VSX2: variants seen among roughly 807,000 people sequenced by gnomAD.
The protein encoded by VSX2 is ceh-10 homeo domain containing homolog.
Under a neutral mutation model 32.1 loss-of-function variants are expected in VSX2, and 28 were observed. The observed-to-expected ratio is 0.87, with a 90% confidence interval of 0.65 to 1.20. The LOEUF is 1.20. Among genes scored for constraint, VSX2 ranks in the 50% most tolerant of loss-of-function variants. The pLI is 0.00. For synonymous variants in VSX2, 243 were observed against 214.1 expected, an observed-to-expected ratio of 1.14 and a Z score of -1.18; for missense variants, 506 against 488.7, an observed-to-expected ratio of 1.04 and a Z score of -0.33.
intron 3 of VSX2, among the ~76,000 whole-genome samples, chr14:74,258,149 G>A (rs558526800): frequency 9.2e-5 from 14 of 152,280 alleles, no homozygotes; most frequent in African/African-American, 3.4e-4. Context: ...GGGGAAGCGG[G>A]GGCGCTCGCG....
At position 74,259,658 on chromosome 14, in the gene VSX2, G is replaced by A. The variant is rs1286294732; in HGVS notation, c.636G>A (p.Arg212=). The change falls in exon 4 of 5, where the codon CGG becomes CGA. Residue 212 remains arginine (R), a synonymous_variant. Transcript: ENST00000261980. ...GGAAGCGGGAGAAGTGCTGGGGCCG[G>A]AGCAGTGTCATGGCGGAGTATGGGC... ...KWRKREKCWG[R]SSVMAEYGLY... is the part of the protein sequence containing the mutation. The A allele has an allele frequency of 1.2e-6, 2 of 1,614,202 alleles. No individual in the cohort carries two copies. The highest frequency in any genetic ancestry group is 4.5e-5 in the East Asian group (2 of 44,886).
In VSX2 at chr14:74,260,609, C is replaced by CTTTCTAGGGATGCT. The variant is rs1566888619; in HGVS notation, c.776_777insTTTCTAGGGATGCT (p.Leu260PhefsTer2). 1 of 1,603,394 alleles carries CTTTCTAGGGATGCT rather than the reference C, an allele frequency of 6.2e-7. No homozygotes were observed. Among genetic ancestry groups the CTTTCTAGGGATGCT allele is most frequent in the Non-Finnish European group, 8.5e-7 (1 of 1,175,674 alleles). ...TTCTTTCTAGGGATGCACAAAAAGT[C>CTTTCTAGGGATGCT]GCTGGAGGCAGCAGCCGAGTCGGGG... On this transcript the variant is annotated stop_gained and frameshift_variant, in exon 5 of 5. Coordinates refer to ENST00000261980, the MANE Select transcript of VSX2 (RefSeq NM_182894.3). LOFTEE classifies it high-confidence loss of function.
At chr14:74,251,373 C>T (rs1448215229) in intron 3 of VSX2, among the ~76,000 whole-genome samples, 5 of 152,144 alleles carry the variant, frequency 3.3e-5, no homozygotes, top group African/African-American at 1.2e-4. Flanking sequence ...TAGCTTGAAC[C>T]CGGGAGGCGG....
At chr14:74,245,338 A>G in intron 3 of VSX2, 50 bp downstream of exon 3, 2 of 1,609,542 alleles carry the variant, frequency 1.2e-6, no homozygotes, top group Non-Finnish European at 1.7e-6. Context: ...TCTCGGTGAC[A>G]TCTACCACTC....
intron 2 of VSX2, 109 bp from the exon 3 acceptor site, chr14:74,245,056 C>T: frequency 7.1e-7 from 1 of 1,402,458 alleles, no homozygotes; most frequent in Non-Finnish European, 9.7e-7. Context: ...GCTGAGCCAG[C>T]CTGGGTTCGG....
intron 2 of VSX2, among the ~76,000 whole-genome samples, 187 bp downstream of exon 2, chr14:74,241,453 G>A (rs1594753282): frequency 6.6e-6 from 1 of 152,260 alleles, no homozygotes; most frequent in Admixed American, 6.5e-5. Flanking sequence ...CACCGGTTGA[G>A]CAGGATGAGT....
At chr14:74,252,526 G>T (rs1351189027) in intron 3 of VSX2, among the ~76,000 whole-genome samples, 1 of 148,434 alleles carries the variant, frequency 6.7e-6, no homozygotes, top group Non-Finnish European at 1.5e-5. Context: ...GAGTAGCTGG[G>T]ACTACAGGCT....
chr14:74,242,299 G>A (rs934793357), intron 2 of VSX2, among the ~76,000 whole-genome samples: 10 of 151,908 alleles, frequency 6.6e-5, no homozygotes, highest in Admixed American at 3.3e-4. Flanking sequence ...CTCCACTAGG[G>A]CGTTCTCTGG....
chr14:74,244,881 A>AGT lies in VSX2; in HGVS notation c.456-236_456-235dup, dbSNP rs57885912. Among the ~76,000 whole-genome samples, 390 of 51,310 alleles carry AGT rather than the reference A, an allele frequency of 7.6e-3. 17 individuals carry two copies. The highest frequency in any genetic ancestry group is 0.018 in the African/African-American group (279 of 15,650). The allele number at this position is 51,310 out of a possible 152,430, so 33.7% of individuals were successfully genotyped here. A position where few individuals can be genotyped will look rare whatever the true frequency, so the allele number is the denominator to read the frequency against. ...AACTATGAGACAGAGAGAGAGAGAA[A>AGT]GTGTGTGTGTGTGTGTGTGTGTGTG... On this transcript the variant is annotated intron_variant, in intron 2 of 4. Transcript: ENST00000261980.
At position 74,261,112 on chromosome 14, in the gene VSX2, C is replaced by T. The variant is rs952946493; in HGVS notation, c.*193C>T. 1 of 644,030 alleles carries T rather than the reference C, an allele frequency of 1.6e-6. No individual in the cohort carries two copies. The highest frequency in any genetic ancestry group is 2.7e-6 in the Non-Finnish European group (1 of 375,618). The allele number at this position is 644,030 out of a possible 1,614,324, so 39.9% of individuals were successfully genotyped here. A position where few individuals can be genotyped will look rare whatever the true frequency, so the allele number is the denominator to read the frequency against. On this transcript the variant is annotated 3_prime_UTR_variant, in exon 5 of 5. Coordinates refer to ENST00000261980, the MANE Select transcript of VSX2 (RefSeq NM_182894.3). ...CTCTGGACCATGCTGAGACATCCCT[C>T]ATCTAGTCTTGACCTCTCCAGCATC... is the stretch of plus-strand genomic sequence containing the variant.
intron 3 of VSX2, among the ~76,000 whole-genome samples, chr14:74,251,340 C>T (rs2079227776): frequency 6.6e-6 from 1 of 152,140 alleles, no homozygotes; most frequent in African/African-American, 2.4e-5. Context: ...ATCCCAGCTA[C>T]TCAGGAGGCT....
intron 2 of VSX2, among the ~76,000 whole-genome samples, chr14:74,244,624 T>G (rs1239100598): frequency 6.6e-6 from 1 of 152,092 alleles, no homozygotes; most frequent in East Asian, 1.9e-4. Context: ...CTGGTCTGGG[T>G]GGAGCTGGGC....
Position 74,260,945 on chromosome 14 carries a change from C to A in VSX2, c.*26C>A. On this transcript the variant is annotated 3_prime_UTR_variant, in exon 5 of 5. Coordinates refer to ENST00000261980, the MANE Select transcript of VSX2 (RefSeq NM_182894.3). The stretch of plus-strand genomic sequence containing the variant: ...GTCAAGGCGCGCTCAGATGCCGGAG[C>A]CCCAAGACTCTGCTCTCCTCGGGCC... 1 of 1,548,928 alleles carries A rather than the reference C, an allele frequency of 6.5e-7. No individual in the cohort carries two copies. The highest frequency in any genetic ancestry group is 8.7e-7 in the Non-Finnish European group (1 of 1,146,744).
intron 2 of VSX2, 61 bp from the exon 3 acceptor site, chr14:74,245,104 T>C (rs2079183401): frequency 6.2e-7 from 1 of 1,609,984 alleles, no homozygotes; most frequent in Non-Finnish European, 8.5e-7. Flanking sequence ...CGGTTCTGTC[T>C]TGTCTGAGAC....
intron 3 of VSX2, among the ~76,000 whole-genome samples, chr14:74,247,537 T>A (rs1304223277): frequency 6.6e-6 from 1 of 152,190 alleles, no homozygotes; most frequent in Non-Finnish European, 1.5e-5. Flanking sequence ...CTGGTGACAA[T>A]CAGGGGCTGA....
rs557085907 is a variant in VSX2 at position 74,239,513 on chromosome 14, T to TG, written c.-43dup. ...CGAAGCGGGAAGCCCGGCGGGGGGG[T>TG]GGGGGGAGCTAAAGACCTGCGGCCT... On this transcript the variant is annotated 5_prime_UTR_variant, in exon 1 of 5. Transcript: ENST00000261980. 3.1e-3 allele frequency: 4,799 copies of TG among 1,528,572 alleles called. 40 individuals carry two copies. In the Middle Eastern group the frequency reaches 0.033, roughly 11 times the overall value. The allele number at this position is 1,528,572 out of a possible 1,614,324, so 94.7% of individuals were successfully genotyped here.
In VSX2 at chr14:74,260,761, C is replaced by T. The variant is rs761676123; in HGVS notation, c.928C>T (p.Arg310Trp). ...GAGGGAGAACAGCATTGCGGTGCTCCGGGCCAAAGCTCAGGAGCACAGCAC... is the reference window on the plus strand; with the variant it reads ...GAGGGAGAACAGCATTGCGGTGCTCTGGGCCAAAGCTCAGGAGCACAGCAC... ...ELRENSIAVL[R>W]AKAQEHSTKV... Residue 310 changes from arginine to tryptophan, a missense_variant, in exon 5 of 5, where the codon CGG becomes TGG. Transcript: ENST00000261980. 24 of 1,586,812 alleles carry T rather than the reference C, an allele frequency of 1.5e-5. No individual in the cohort carries two copies. The highest frequency in any genetic ancestry group is 1.0e-4 in the South Asian group (9 of 87,032).
At chr14:74,247,811 A>AC (rs1469738514) in intron 3 of VSX2, among the ~76,000 whole-genome samples, 1 of 151,724 alleles carries the variant, frequency 6.6e-6, no homozygotes, top group Non-Finnish European at 1.5e-5. Context: ...AAAAAAAAAA[A>AC]AACAGCCCAA....
chr14:74,256,748 A>T (rs2079265887), intron 3 of VSX2, among the ~76,000 whole-genome samples: 1 of 135,170 alleles, frequency 7.4e-6, no homozygotes, highest in African/African-American at 2.8e-5. Flanking sequence ...ATCTCGGCTC[A>T]CTGCAACCTC....
Sources: allele counts gnomAD v4.1 joint callset (sites outside exome capture counted in the v4.1 genomes callset), GRCh38; gene constraint gnomAD v4.1.1; transcripts MANE v1.5; gene names NCBI Gene and HGNC (gene_info 2026-07-23, HGNC 2026-07-21).